MN1: variants seen among roughly 807,000 people sequenced by gnomAD.
MN1 encodes the protein transcriptional activator MN1.
In MN1, 19 loss-of-function variants were observed where a neutral mutation model predicts 86.9. That is an observed-to-expected ratio of 0.22 (90% CI 0.15 to 0.32). The LOEUF (loss-of-function observed/expected upper bound fraction) is 0.32, where lower values mean the gene tolerates loss of function less well. Among genes scored for constraint, MN1 ranks in the 10% least tolerant of loss-of-function variants. The pLI, the probability that MN1 is intolerant of heterozygous loss-of-function variation, is 1.00. For missense variants in MN1, 1,841 were observed against 1,862.0 expected, an observed-to-expected ratio of 0.99 and a Z score of 0.21; for synonymous variants, 928 against 849.6, an observed-to-expected ratio of 1.09 and a Z score of -1.60.
intron 1 of MN1, among the ~76,000 whole-genome samples, chr22:27,757,691 G>A (rs560386456): frequency 3.9e-4 from 60 of 152,240 alleles, no homozygotes; most frequent in African/African-American, 1.4e-3. Flanking sequence ...TGGGCGACTG[G>A]GCCTGGAAGC....
chr22:27,792,317 CATATATATAT>C (rs36207111), intron 1 of MN1, among the ~76,000 whole-genome samples: 10,225 of 114,016 alleles, frequency 0.09, 821 homozygotes, highest in African/African-American at 0.22. Context: ...ATAAAAATTG[CATATATATAT>C]ATATATATAT....
Position 27,797,723 on chromosome 22 carries a change from G to A in MN1, c.2821C>T (p.Arg941Trp), listed in dbSNP as rs760696011. 1 of 1,611,560 alleles carries A rather than the reference G, an allele frequency of 6.2e-7. No homozygotes were observed. Among genetic ancestry groups the A allele is most frequent in the Non-Finnish European group, 8.5e-7 (1 of 1,179,456 alleles). Residue 941 changes from arginine to tryptophan, a missense_variant, in exon 1 of 2, where the codon CGG becomes TGG. Arg to Trp is a moderately radical substitution (Grantham distance 101). Coordinates refer to ENST00000302326, the MANE Select transcript of MN1 (RefSeq NM_002430.3). ...DGKPVSGGGG[R>W]GRGRRKRDSG... ...TCCCTTTTTCTGCGACCCCGTCCCC[G>A]GCCGCCGCCCCCGGAGACCGGCTTG...
chr22:27,798,939 C>CTGCTGT lies in MN1; in HGVS notation c.1599_1604dup (p.Gln549_Gln550dup). Reference sequence around the variant, plus strand: ...GCTGTTGCTGTTGCTGCTGCTGCTGCTGCTGTTGCTGCTGCTGCTGCTGCT... The same window carrying CTGCTGT: ...GCTGTTGCTGTTGCTGCTGCTGCTGCTGCTGTTGCTGTTGCTGCTGCTGCTGCTGCT... On this transcript the variant is annotated inframe_insertion, in exon 1 of 2. Transcript: ENST00000302326. The CTGCTGT allele has an allele frequency of 1.3e-6, 2 of 1,556,416 alleles. No homozygotes were observed. The highest frequency in any genetic ancestry group is 1.4e-5 in the African/African-American group (1 of 72,974).
intron 1 of MN1, among the ~76,000 whole-genome samples, chr22:27,781,217 T>C (rs757187378): frequency 6.6e-5 from 10 of 152,280 alleles, no homozygotes; most frequent in Non-Finnish European, 1.2e-4. Flanking sequence ...AAGCATGAGC[T>C]ACCATGCCCA....
chr22:27,793,421 T>A (rs563704538), intron 1 of MN1, among the ~76,000 whole-genome samples: 1 of 149,822 alleles, frequency 6.7e-6, no homozygotes, highest in East Asian at 1.9e-4. Context: ...CAAACTCTTT[T>A]TAAATCCATA....
At chr22:27,778,660 TC>T (rs2146305612) in intron 1 of MN1, among the ~76,000 whole-genome samples, 1 of 152,312 alleles carries the variant, frequency 6.6e-6, no homozygotes, top group African/African-American at 2.4e-5. Context: ...AGTAAGGAGA[TC>T]AGTCCAGTGG....
chr22:27,774,038 A>G (rs1449466713), intron 1 of MN1, among the ~76,000 whole-genome samples: 2 of 152,116 alleles, frequency 1.3e-5, no homozygotes, highest in Non-Finnish European at 2.9e-5. Flanking sequence ...ACACAGAGCA[A>G]ACGGCCCCCT....
At chr22:27,776,546 C>A (rs1432809156) in intron 1 of MN1, among the ~76,000 whole-genome samples, 1 of 152,116 alleles carries the variant, frequency 6.6e-6, no homozygotes, top group African/African-American at 2.4e-5. Context: ...AAAGGGCGGG[C>A]CTGGCCTGAC....
intron 1 of MN1, among the ~76,000 whole-genome samples, chr22:27,763,206 G>A (rs1369836355): frequency 6.6e-6 from 1 of 152,218 alleles, no homozygotes; most frequent in Non-Finnish European, 1.5e-5. Context: ...TGCAAGTCTG[G>A]ATTTTAAAAA....
chr22:27,780,795 G>A (rs1241486812), intron 1 of MN1, among the ~76,000 whole-genome samples: 2 of 152,162 alleles, frequency 1.3e-5, no homozygotes, highest in African/African-American at 4.8e-5. Flanking sequence ...ATGAAGGCAG[G>A]GCATTTGTCT....
intron 1 of MN1, among the ~76,000 whole-genome samples, chr22:27,753,574 G>A (rs1355873438): frequency 6.6e-6 from 1 of 152,190 alleles, no homozygotes; most frequent in Non-Finnish European, 1.5e-5. Flanking sequence ...CAGCTAGGTG[G>A]GCGTGTTCCT....
At position 27,750,519 on chromosome 22, in the gene MN1, T is replaced by A. The variant is rs989468871; in HGVS notation, c.*396A>T. The A allele has an allele frequency of 2.1e-5, 5 of 235,276 alleles. No individual in the cohort carries two copies. Among genetic ancestry groups the A allele is most frequent in the African/African-American group, 4.4e-5 (2 of 45,378 alleles). 14.6% of individuals were successfully genotyped at this position (235,276 alleles called of 1,614,324 possible). A position where few individuals can be genotyped will look rare whatever the true frequency, so the allele number is the denominator to read the frequency against. ...AAAGAAAGCAACTCTTGTCTTATTATGAAATAACAATACTTGGACATACAG... is the reference window on the plus strand; with the variant it reads ...AAAGAAAGCAACTCTTGTCTTATTAAGAAATAACAATACTTGGACATACAG... On this transcript the variant is annotated 3_prime_UTR_variant, in exon 2 of 2. Transcript: ENST00000302326.
Position 27,798,897 on chromosome 22 carries a change from CTGCTGCTGCTGCTGTTGCTGTTGCTGT to C in MN1, c.1620_1646del (p.Gln542_Gln550del), listed in dbSNP as rs773443626. 91 of 1,553,186 alleles carry C rather than the reference CTGCTGCTGCTGCTGTTGCTGTTGCTGT, an allele frequency of 5.9e-5. No individual in the cohort carries two copies. The highest frequency in any genetic ancestry group is 4.7e-4 in the African/African-American group (34 of 72,952). On this transcript the variant is annotated inframe_deletion, in exon 1 of 2. Coordinates refer to ENST00000302326, the MANE Select transcript of MN1 (RefSeq NM_002430.3). ...TCATGAGGGCCGCGTTTTGGCGCTGCTGCTGCTGCTGCTGTTGCTGTTGCTGTTGCTGCTGCTGCTGCTGCTGTTGCT... is the reference window on the plus strand; with the variant it reads ...TCATGAGGGCCGCGTTTTGGCGCTGCTGCTGCTGCTGCTGCTGCTGTTGCT...
At chr22:27,771,129 G>A (rs1454818346) in intron 1 of MN1, among the ~76,000 whole-genome samples, 12 of 151,426 alleles carry the variant, frequency 7.9e-5, no homozygotes. Context: ...GCCAAATCTG[G>A]CCCACCATCT....
intron 1 of MN1, among the ~76,000 whole-genome samples, chr22:27,763,752 A>G (rs1295360626): frequency 6.6e-6 from 1 of 152,180 alleles, no homozygotes; most frequent in African/African-American, 2.4e-5. Context: ...GGTGAACCCA[A>G]CACAGGTTCC....
chr22:27,772,849 T>C (rs1448532409), intron 1 of MN1, among the ~76,000 whole-genome samples: 1 of 147,982 alleles, frequency 6.8e-6, no homozygotes, highest in Non-Finnish European at 1.5e-5. Context: ...ACTATCACCA[T>C]TGCCATCATC....
intron 1 of MN1, among the ~76,000 whole-genome samples, chr22:27,775,182 C>T (rs1932961306): frequency 6.6e-6 from 1 of 152,216 alleles, no homozygotes; most frequent in Non-Finnish European, 1.5e-5. Flanking sequence ...GCGGTAGCTG[C>T]TTCACAGCGG....
At chr22:27,774,872 C>T (rs1245567276) in intron 1 of MN1, among the ~76,000 whole-genome samples, 4 of 152,180 alleles carry the variant, frequency 2.6e-5, no homozygotes, top group African/African-American at 7.2e-5. Context: ...CCCCCTGTCA[C>T]CCTGACAATA....
chr22:27,767,782 G>C (rs144249903), intron 1 of MN1, among the ~76,000 whole-genome samples: 1 of 152,060 alleles, frequency 6.6e-6, no homozygotes, highest in East Asian at 1.9e-4. Context: ...GGTTTGGGGG[G>C]TTTTGACAAA....
Sources: gnomAD v4.1 joint callset for allele counts (sites outside exome capture counted in the v4.1 genomes callset) on GRCh38, gnomAD v4.1.1 for gene constraint, MANE v1.5 for transcripts, NCBI Gene and HGNC (gene_info 2026-07-23, HGNC 2026-07-21) for gene names.